Variants in TXNDC12 observed in about 807,000 individuals in gnomAD.
The protein encoded by TXNDC12 is thioredoxin domain containing 12, also known as thioredoxin domain-containing protein 12.
A neutral mutation model predicts 24.2 loss-of-function variants in TXNDC12; 22 were observed. The ratio of observed to expected loss-of-function variants is 0.91; its 90% confidence interval spans 0.65 to 1.30. The LOEUF (loss-of-function observed/expected upper bound fraction) is 1.30. TXNDC12 is among the 50% of genes most tolerant of loss of function. TXNDC12 has a pLI of 0.00. For synonymous variants in TXNDC12, 58 were observed against 73.4 expected, an observed-to-expected ratio of 0.79 and a Z score of 1.07; for missense variants, 184 against 205.8, an observed-to-expected ratio of 0.89 and a Z score of 0.65.
chr1:52,028,003 T>G (rs1266517130), intron 3 of TXNDC12, among the ~76,000 whole-genome samples: 1 of 151,998 alleles, frequency 6.6e-6, no homozygotes, highest in East Asian at 1.9e-4. Context: ...TTTTTTTGTA[T>G]TTTTAGTAGA....
chr1:52,039,088 C>CAA (rs56219938), intron 2 of TXNDC12, among the ~76,000 whole-genome samples: 1,679 of 79,346 alleles, frequency 0.021, 48 homozygotes, highest in East Asian at 0.056. Flanking sequence ...GACACCGTCT[C>CAA]AAAAAAAAAA....
chr1:52,030,446 A>G (rs1685734117), intron 2 of TXNDC12: 1 of 152,262 alleles, frequency 6.6e-6, no homozygotes, highest in South Asian at 2.1e-4. Flanking sequence ...ATGGTAATCC[A>G]GAATCCATGG....
intron 1 of TXNDC12, among the ~76,000 whole-genome samples, chr1:52,046,866 A>AT (rs1553236788): frequency 3.3e-5 from 1 of 30,170 alleles, no homozygotes; most frequent in Non-Finnish European, 1.6e-4. Flanking sequence ...AAAAAAAAAA[A>AT]ATATATATAT....
chr1:52,048,871 T>C (rs539632209), intron 1 of TXNDC12, among the ~76,000 whole-genome samples: 3 of 149,240 alleles, frequency 2.0e-5, no homozygotes, highest in Non-Finnish European at 4.5e-5. Flanking sequence ...AAATAATAAT[T>C]AATTAATTAA....
intron 2 of TXNDC12, chr1:52,032,427 C>A: frequency 8.3e-7 from 1 of 1,204,528 alleles, no homozygotes; most frequent in South Asian, 3.3e-5. Context: ...AAGTAGGATC[C>A]AATCTAGGTA....
intron 6 of TXNDC12, among the ~76,000 whole-genome samples, chr1:52,022,794 C>T (rs887471870): frequency 1.3e-5 from 2 of 151,682 alleles, no homozygotes; most frequent in African/African-American, 4.8e-5. Context: ...GCACCTGCCA[C>T]CACGCCAGCT....
chr1:52,041,395 C>A (rs896826424), intron 2 of TXNDC12, 142 bp downstream of exon 2: 2 of 518,526 alleles, frequency 3.9e-6, no homozygotes, highest in Non-Finnish European at 6.9e-6. Context: ...TAAATGTTAG[C>A]CATTATTATT....
intron 4 of TXNDC12, among the ~76,000 whole-genome samples, chr1:52,024,814 C>CTAACACAGGCTTT: frequency 6.6e-6 from 1 of 152,320 alleles, no homozygotes; most frequent in East Asian, 1.9e-4. Flanking sequence ...AGGGATAATC[C>CTAACACAGGCTTT]TAACACAGGC....
At chr1:52,041,406 G>C in intron 2 of TXNDC12, 131 bp downstream of exon 2, 1 of 530,032 alleles carries the variant, frequency 1.9e-6, no homozygotes, top group Non-Finnish European at 3.4e-6. Flanking sequence ...CATTATTATT[G>C]CTGTTGTTGT....
At chr1:52,036,057 A>C (rs557494833) in intron 2 of TXNDC12, among the ~76,000 whole-genome samples, 14 of 152,178 alleles carry the variant, frequency 9.2e-5, no homozygotes, top group Non-Finnish European at 1.9e-4. Context: ...GATTTGCATA[A>C]TTTAATGCCT....
At chr1:52,055,588 A>G (rs1308593852), upstream of TXNDC12, 1 of 164,774 alleles carries the variant, frequency 6.1e-6, no homozygotes, top group Admixed American at 6.0e-5. Context: ...CCCTCCACAA[A>G]TCAAGACTGG....
intron 1 of TXNDC12, among the ~76,000 whole-genome samples, chr1:52,052,031 C>T (rs1466055511): frequency 6.6e-6 from 1 of 152,148 alleles, no homozygotes; most frequent in Non-Finnish European, 1.5e-5. Context: ...AAGTGTCCGA[C>T]ACAATATTAA....
At chr1:52,050,861 T>C (rs1165148736) in intron 1 of TXNDC12, 3 of 169,262 alleles carry the variant, frequency 1.8e-5, no homozygotes, top group Non-Finnish European at 4.4e-5. Context: ...GACAAAGTTA[T>C]CCATTTTTGT....
At chr1:52,051,227 A>G (rs1209367874) in intron 1 of TXNDC12, among the ~76,000 whole-genome samples, 1 of 152,186 alleles carries the variant, frequency 6.6e-6, no homozygotes, top group Non-Finnish European at 1.5e-5. Context: ...ATGGAGAACA[A>G]TGTAATTATT....
upstream of TXNDC12, chr1:52,055,254 G>T: frequency 3.3e-6 from 2 of 611,008 alleles, no homozygotes; most frequent in Non-Finnish European, 5.9e-6. Flanking sequence ...ACGGATGTGG[G>T]TGGTGCCTCC....
At chr1:52,035,784 T>C (rs939948404) in intron 2 of TXNDC12, among the ~76,000 whole-genome samples, 1 of 152,168 alleles carries the variant, frequency 6.6e-6, no homozygotes, top group Non-Finnish European at 1.5e-5. Flanking sequence ...CTCCTCCTTA[T>C]GCACTGAATT....
At chr1:52,045,348 T>A (rs557578804) in intron 1 of TXNDC12, among the ~76,000 whole-genome samples, 14 of 152,264 alleles carry the variant, frequency 9.2e-5, no homozygotes, top group African/African-American at 3.4e-4. Context: ...ATGGCCTCAA[T>A]TGTGTCCCCC....
At chr1:52,022,623 G>A (rs1387417055) in intron 6 of TXNDC12, among the ~76,000 whole-genome samples, 1 of 150,644 alleles carries the variant, frequency 6.6e-6, no homozygotes, top group Non-Finnish European at 1.5e-5. Flanking sequence ...TTTACGTTTC[G>A]GGGTTTTTTT....
At chr1:52,036,404 T>A (rs1685883851) in intron 2 of TXNDC12, among the ~76,000 whole-genome samples, 1 of 152,072 alleles carries the variant, frequency 6.6e-6, no homozygotes, top group Non-Finnish European at 1.5e-5. Context: ...AAATGGATAC[T>A]CATAAAGGTC....
Sources: allele counts gnomAD v4.1 joint callset (sites outside exome capture counted in the v4.1 genomes callset), GRCh38; gene constraint gnomAD v4.1.1; transcripts MANE v1.5; gene names NCBI Gene and HGNC (gene_info 2026-07-23, HGNC 2026-07-21).